NAALADL2: variants seen among roughly 807,000 people sequenced by gnomAD.
NAALADL2 encodes N-acetylated alpha-linked acidic dipeptidase like 2, also known as inactive N-acetylated-alpha-linked acidic dipeptidase-like protein 2.
Under a neutral mutation model 87.2 loss-of-function variants are expected in NAALADL2, and 76 were observed. The observed-to-expected ratio is 0.87, with a 90% CI of 0.72 to 1.05. The LOEUF (loss-of-function observed/expected upper bound fraction) is 1.05. NAALADL2 is among the 50% of genes least tolerant of loss of function. NAALADL2 has a pLI of 0.00. For missense variants in NAALADL2, 1,089 were observed against 945.8 expected (o/e 1.15, Z -1.99); for synonymous variants, 354 against 331.0 (o/e 1.07, Z -0.75).
chr3:174,518,560 A>G, intron 1 of NAALADL2, among the ~76,000 whole-genome samples: 1 of 152,170 alleles, frequency 6.6e-6, no homozygotes, highest in Non-Finnish European at 1.5e-5. Context: ...CACATCTTTC[A>G]AAGATTCTTC....
At chr3:174,600,812 A>C (rs1371083280) in intron 2 of NAALADL2, among the ~76,000 whole-genome samples, 1 of 152,140 alleles carries the variant, frequency 6.6e-6, no homozygotes, top group African/African-American at 2.4e-5. Flanking sequence ...AGATCTCCTG[A>C]TAACTCTATT....
At chr3:174,962,412 C>CATATATATATAT (rs59026426) in intron 1 of NAALADL2, among the ~76,000 whole-genome samples, 75 of 89,026 alleles carry the variant, frequency 8.4e-4, no homozygotes, top group African/African-American at 3.8e-3. Flanking sequence ...GTGACTATGA[C>CATATATATATAT]ATATATATAT....
chr3:175,181,206 G>T (rs986826118), intron 2 of NAALADL2, among the ~76,000 whole-genome samples: 1 of 151,970 alleles, frequency 6.6e-6, no homozygotes, highest in African/African-American at 2.4e-5. Flanking sequence ...ACACAGTGTA[G>T]TACCAAACCC....
At chr3:175,105,600 C>G (rs1346202000) in intron 2 of NAALADL2, among the ~76,000 whole-genome samples, 1 of 147,522 alleles carries the variant, frequency 6.8e-6, no homozygotes, top group Admixed American at 6.8e-5. Context: ...AAATCCTAAT[C>G]CATGCTTTAG....
At chr3:175,567,820 A>G (rs1717435890) in intron 9 of NAALADL2, among the ~76,000 whole-genome samples, 1 of 151,812 alleles carries the variant, frequency 6.6e-6, no homozygotes, top group Non-Finnish European at 1.5e-5. Flanking sequence ...CATTCAAGCA[A>G]TCCTCCTGCC....
chr3:174,519,013 A>G (rs1720100700), intron 1 of NAALADL2, among the ~76,000 whole-genome samples: 2 of 152,232 alleles, frequency 1.3e-5, no homozygotes, highest in Non-Finnish European at 2.9e-5. Context: ...CTCTGAGTTA[A>G]CAAGGTATCT....
chr3:174,904,580 CA>C (rs1732748702), intron 1 of NAALADL2, among the ~76,000 whole-genome samples: 1 of 151,194 alleles, frequency 6.6e-6, no homozygotes, highest in African/African-American at 2.4e-5. Context: ...TACTAACAAT[CA>C]AATAATAGTA....
At chr3:175,318,288 G>A (rs1238789112) in intron 4 of NAALADL2, among the ~76,000 whole-genome samples, 2 of 152,072 alleles carry the variant, frequency 1.3e-5, no homozygotes, top group Non-Finnish European at 2.9e-5. Context: ...GTGTACGTAT[G>A]TATGTTCATA....
rs572472506 is a variant in NAALADL2, at chr3:174,695,525, C to T, written c.-114-42116C>T. On this transcript the variant is annotated intron_variant, in intron 2 of 3. Transcript: ENST00000434257. ...ATTTCCCAACAAGGATGTCAAAATG[C>T]CCCAATATTTTAAATTTTATATCAC... Among the ~76,000 whole-genome samples the T allele has an allele frequency of 3.5e-3, 531 of 151,920 alleles. 1 individual carries two copies. The highest frequency in any genetic ancestry group is 0.01 in the Middle Eastern group (3 of 294).
chr3:174,677,519 T>C (rs1172972897), intron 2 of NAALADL2, among the ~76,000 whole-genome samples: 1 of 152,132 alleles, frequency 6.6e-6, no homozygotes, highest in Non-Finnish European at 1.5e-5. Flanking sequence ...CTATTCACAA[T>C]AGTTATGTTC....
chr3:175,260,187 C>G (rs116649271), intron 4 of NAALADL2, among the ~76,000 whole-genome samples: 2,010 of 152,220 alleles, frequency 0.013, 42 homozygotes, highest in African/African-American at 0.047. Flanking sequence ...AGTGGTTTAT[C>G]TGGAATAGGG....
In NAALADL2 at chr3:175,217,973, G is replaced by A. The variant is rs74884353; in HGVS notation, c.546-15958G>A. 462 of 285,774 alleles carry A rather than the reference G, an allele frequency of 1.6e-3. 4 individuals carry two copies. The highest frequency in any genetic ancestry group is 8.0e-3 in the African/African-American group (362 of 45,180). The allele number at this position is 285,774 out of a possible 1,614,324, so 17.7% of individuals were successfully genotyped here. A position where few individuals can be genotyped will look rare whatever the true frequency, so the allele number is the denominator to read the frequency against. ...AATAAAGGGCAGTGGGACATGAATA[G>A]ATAGTGTCTGTGCTAATTTAGCTGT... On this transcript the variant is annotated intron_variant, in intron 2 of 13. Coordinates refer to ENST00000454872, the MANE Select transcript of NAALADL2 (RefSeq NM_207015.3).
intron 1 of NAALADL2, among the ~76,000 whole-genome samples, chr3:175,047,676 T>C (rs1754851133): frequency 6.6e-6 from 1 of 152,182 alleles, no homozygotes; most frequent in South Asian, 2.1e-4. Flanking sequence ...TTTACTAGAC[T>C]CATCAGATTA....
chr3:175,574,194 CAT>C (rs1718520594), intron 9 of NAALADL2, among the ~76,000 whole-genome samples: 1 of 152,104 alleles, frequency 6.6e-6, no homozygotes, highest in Non-Finnish European at 1.5e-5. Context: ...TAGCAAAAGA[CAT>C]GGTGATCTGA....
At position 175,447,359 on chromosome 3, in the gene NAALADL2, G is replaced by A. The variant is rs1720870663; in HGVS notation, c.1221G>A (p.Glu407=). The change falls in exon 6 of 14, where the codon GAG becomes GAA. Residue 407 remains glutamate (E), a synonymous_variant. Coordinates refer to ENST00000454872, the MANE Select transcript of NAALADL2 (RefSeq NM_207015.3). ...AAAATGAAGCGTGTAGCTCTCTAGAGCTTCCAAATAATGGTAAAGTATTTA... is the reference window on the plus strand; with the variant it reads ...AAAATGAAGCGTGTAGCTCTCTAGAACTTCCAAATAATGGTAAAGTATTTA... ...RTKNEACSSL[E]LPNNEIRVVS... 6.4e-7 allele frequency: 1 copy of A among 1,570,640 alleles called. No individual in the cohort carries two copies. The highest frequency in any genetic ancestry group is 8.6e-7 in the Non-Finnish European group (1 of 1,161,194).
chr3:174,810,095 TA>T (rs1221910784), intron 3 of NAALADL2, among the ~76,000 whole-genome samples: 1 of 152,188 alleles, frequency 6.6e-6, no homozygotes, highest in Non-Finnish European at 1.5e-5. Context: ...GTGAGCCAAT[TA>T]AACCTCTTTT....
chr3:174,753,538 G>A (rs1351584499), intron 3 of NAALADL2, among the ~76,000 whole-genome samples: 1 of 152,186 alleles, frequency 6.6e-6, no homozygotes. Context: ...GGCCAATATT[G>A]CATCTCAAGA....
chr3:175,270,234 G>T (rs1170699482), intron 4 of NAALADL2, among the ~76,000 whole-genome samples: 1 of 152,010 alleles, frequency 6.6e-6, no homozygotes, highest in African/African-American at 2.4e-5. Flanking sequence ...GTCCACTTCT[G>T]CCCTTAGTCA....
At chr3:174,854,097 C>T (rs926115166) in intron 3 of NAALADL2, among the ~76,000 whole-genome samples, 7 of 152,212 alleles carry the variant, frequency 4.6e-5, no homozygotes, top group African/African-American at 1.4e-4. Context: ...TATTGCAGCA[C>T]TATTCACAAT....
Sources: allele counts gnomAD v4.1 joint callset (sites outside exome capture counted in the v4.1 genomes callset), GRCh38; gene constraint gnomAD v4.1.1; transcripts MANE v1.5; gene names NCBI Gene and HGNC (gene_info 2026-07-23, HGNC 2026-07-21).